The following VDAC1 variants were observed in gnomAD, a reference collection of about 807,000 sequenced individuals.
VDAC1 encodes non-selective voltage-gated ion channel VDAC1.
A neutral mutation model predicts 34.7 loss-of-function variants in VDAC1; 10 were observed. That is an observed-to-expected ratio of 0.29 (90% CI 0.18 to 0.49). VDAC1 has a LOEUF of 0.49. Among genes scored for constraint, VDAC1 ranks in the 20% least tolerant of loss-of-function variants. The probability of loss-of-function intolerance (pLI) is 0.99; values close to 1 mark genes in which losing one functional copy is unlikely to be tolerated. For synonymous variants in VDAC1, 130 were observed against 136.0 expected (o/e 0.96, Z 0.30); for missense variants, 230 against 347.9 (o/e 0.66, Z 2.69).
intron 1 of VDAC1, among the ~76,000 whole-genome samples, chr5:133,995,354 G>A (rs1390707478): frequency 6.6e-6 from 1 of 152,198 alleles, no homozygotes; most frequent in African/African-American, 2.4e-5. Context: ...ATGCCTCACT[G>A]TAAACATACT....
At chr5:134,014,508 C>T in the VDAC1 span, among the ~76,000 whole-genome samples, 1 of 152,156 alleles carries the variant, frequency 6.6e-6, no homozygotes, top group Non-Finnish European at 1.5e-5. Flanking sequence ...TTAGTTCAGC[C>T]AGTGTAGAGA....
the VDAC1 span, among the ~76,000 whole-genome samples, chr5:134,066,021 C>T: frequency 2.0e-5 from 3 of 152,084 alleles, no homozygotes. Context: ...TCTCGAACTC[C>T]TGACCTCATG....
chr5:134,113,166 A>C, the VDAC1 span, among the ~76,000 whole-genome samples: 1 of 152,166 alleles, frequency 6.6e-6, no homozygotes, highest in Non-Finnish European at 1.5e-5. Flanking sequence ...ACTAAGCGGC[A>C]AGCCCACCCT....
At chr5:134,016,360 A>C in the VDAC1 span, among the ~76,000 whole-genome samples, 1 of 152,142 alleles carries the variant, frequency 6.6e-6, no homozygotes, top group South Asian at 2.1e-4. Context: ...CCTACCAGAA[A>C]ATTCTGAGTT....
chr5:134,043,833 T>A, the VDAC1 span, among the ~76,000 whole-genome samples: 1 of 152,184 alleles, frequency 6.6e-6, no homozygotes, highest in African/African-American at 2.4e-5. Context: ...GCGCCCAGCC[T>A]AGGTAGACTT....
chr5:134,024,758 G>A, the VDAC1 span, among the ~76,000 whole-genome samples: 2 of 152,242 alleles, frequency 1.3e-5, no homozygotes, highest in Non-Finnish European at 2.9e-5. Flanking sequence ...CTGTGCCAGT[G>A]CTAGGCCTGG....
At chr5:134,113,911 G>A in the VDAC1 span, among the ~76,000 whole-genome samples, 2,882 of 152,308 alleles carry the variant, frequency 0.019, 97 homozygotes, top group African/African-American at 0.065. Flanking sequence ...GCGCCCACGT[G>A]GCTGCCCAAA....
chr5:134,011,433 C>T, the VDAC1 span, among the ~76,000 whole-genome samples: 1 of 152,098 alleles, frequency 6.6e-6, no homozygotes, highest in Non-Finnish European at 1.5e-5. Flanking sequence ...CGTAACTAAA[C>T]CTTATACCCT....
chr5:134,035,444 C>T, the VDAC1 span, among the ~76,000 whole-genome samples: 1 of 152,322 alleles, frequency 6.6e-6, no homozygotes, highest in East Asian at 1.9e-4. Flanking sequence ...AAAGAGGTCT[C>T]ATCATTTTGC....
At chr5:134,029,572 G>C in the VDAC1 span, among the ~76,000 whole-genome samples, 1 of 152,316 alleles carries the variant, frequency 6.6e-6, no homozygotes, top group East Asian at 1.9e-4. Context: ...CTAGGCAAAC[G>C]TGGCTATTGA....
chr5:134,099,700 C>G, the VDAC1 span, among the ~76,000 whole-genome samples: 1 of 152,240 alleles, frequency 6.6e-6, no homozygotes, highest in Non-Finnish European at 1.5e-5. Context: ...CCCAGCTCAG[C>G]CTCCCAAGTA....
the VDAC1 span, among the ~76,000 whole-genome samples, chr5:134,095,746 G>T: frequency 1.4e-3 from 208 of 152,286 alleles, 3 homozygotes; most frequent in Admixed American, 7.9e-3. Context: ...CCAGCCACAC[G>T]TGGCTATTTA....
chr5:134,070,887 C>T, the VDAC1 span, among the ~76,000 whole-genome samples: 1 of 152,212 alleles, frequency 6.6e-6, no homozygotes, highest in South Asian at 2.1e-4. Context: ...CAAGGAGGTG[C>T]TGGATCAGAG....
upstream of VDAC1, among the ~76,000 whole-genome samples, chr5:134,007,080 C>CAATTTG (rs1753768533): frequency 6.6e-6 from 1 of 151,922 alleles, no homozygotes; most frequent in Admixed American, 6.6e-5. Context: ...CCCGTCTCTA[C>CAATTTG]TAAAAATACA....
the VDAC1 span, among the ~76,000 whole-genome samples, chr5:134,036,543 T>G: frequency 1.3e-5 from 2 of 152,110 alleles, no homozygotes; most frequent in African/African-American, 4.8e-5. Flanking sequence ...GTAGGTCAAG[T>G]GCACTTCTAG....
At chr5:134,037,396 C>G in the VDAC1 span, among the ~76,000 whole-genome samples, 9 of 152,170 alleles carry the variant, frequency 5.9e-5, no homozygotes, top group Admixed American at 5.9e-4. Flanking sequence ...TCACTCTGAC[C>G]TAGTGCATTA....
the VDAC1 span, among the ~76,000 whole-genome samples, chr5:134,016,325 A>G: frequency 1.3e-5 from 2 of 152,292 alleles, no homozygotes; most frequent in Middle Eastern, 3.4e-3. Flanking sequence ...GGGTGTTGTA[A>G]GAAGAACTGG....
chr5:134,049,110 T>A, the VDAC1 span, among the ~76,000 whole-genome samples: 107 of 152,324 alleles, frequency 7.0e-4, no homozygotes, highest in Non-Finnish European at 1.2e-3. Flanking sequence ...AGAGATTAAG[T>A]CCCAAAGCAC....
chr5:134,092,349 A>G, the VDAC1 span, among the ~76,000 whole-genome samples: 1 of 152,136 alleles, frequency 6.6e-6, no homozygotes, highest in Non-Finnish European at 1.5e-5. Context: ...TATCAGCAAA[A>G]CTGCCAAGGG....
Sources: allele counts gnomAD v4.1 joint callset (sites outside exome capture counted in the v4.1 genomes callset), GRCh38; gene constraint gnomAD v4.1.1; transcripts MANE v1.5; gene names NCBI Gene and HGNC (gene_info 2026-07-23, HGNC 2026-07-21).